The following MACROD2 variants were observed in gnomAD, a reference collection of about 807,000 sequenced individuals.
The protein encoded by MACROD2 is ADP-ribose glycohydrolase MACROD2.
MACROD2 carries 36 observed loss-of-function variants against 70.4 expected under a neutral mutation model. That is an observed-to-expected ratio of 0.51 (90% CI 0.39 to 0.68). The LOEUF (loss-of-function observed/expected upper bound fraction) is 0.68. Among genes scored for constraint, MACROD2 ranks in the 30% least tolerant of loss-of-function variants. The pLI is 0.00. For synonymous variants in MACROD2, 172 were observed against 178.8 expected, an observed-to-expected ratio of 0.96 and a Z score of 0.30; for missense variants, 496 against 538.4, an observed-to-expected ratio of 0.92 and a Z score of 0.78.
chr20:14,456,712 TC>T (rs1275435797), intron 3 of MACROD2, among the ~76,000 whole-genome samples: 1 of 112,050 alleles, frequency 8.9e-6, no homozygotes, highest in African/African-American at 2.9e-5. Context: ...AGACTCAGGA[TC>T]TTTTTTTTTT....
intron 3 of MACROD2, among the ~76,000 whole-genome samples, chr20:14,286,917 A>G (rs1377972784): frequency 6.6e-6 from 1 of 152,168 alleles, no homozygotes; most frequent in Non-Finnish European, 1.5e-5. Flanking sequence ...GCAATTAATA[A>G]CTTTCACTCT....
intron 10 of MACROD2, among the ~76,000 whole-genome samples, chr20:15,909,208 C>T (rs2065195384): frequency 6.6e-6 from 1 of 152,184 alleles, no homozygotes; most frequent in Admixed American, 6.5e-5. Flanking sequence ...GAAGTCTCTC[C>T]ATGTAATCTA....
At chr20:14,677,926 T>C (rs1172060064) in intron 4 of MACROD2, among the ~76,000 whole-genome samples, 1 of 152,130 alleles carries the variant, frequency 6.6e-6, no homozygotes, top group East Asian at 1.9e-4. Context: ...AAAAAAACAG[T>C]GATCCAGTGG....
At chr20:14,689,255 T>G (rs908286800) in intron 5 of MACROD2, among the ~76,000 whole-genome samples, 5 of 152,260 alleles carry the variant, frequency 3.3e-5, no homozygotes, top group African/African-American at 1.2e-4. Flanking sequence ...GTTTTTAAAT[T>G]TGTAATTGCT....
At chr20:14,231,971 A>G (rs2081817934) in intron 3 of MACROD2, among the ~76,000 whole-genome samples, 1 of 152,056 alleles carries the variant, frequency 6.6e-6, no homozygotes, top group Admixed American at 6.5e-5. Context: ...TCCTTCTCCC[A>G]CTTGTTGATG....
At chr20:15,263,906 G>T (rs1396482866) in intron 6 of MACROD2, among the ~76,000 whole-genome samples, 1 of 151,956 alleles carries the variant, frequency 6.6e-6, no homozygotes. Flanking sequence ...TACTGAATTT[G>T]TTTATCAGTT....
chr20:14,208,015 A>G (rs1258446142), intron 3 of MACROD2, among the ~76,000 whole-genome samples: 2 of 152,210 alleles, frequency 1.3e-5, no homozygotes, highest in Non-Finnish European at 2.9e-5. Flanking sequence ...TTGAAGTGAA[A>G]ACAATTTCTC....
intron 3 of MACROD2, among the ~76,000 whole-genome samples, chr20:14,359,520 T>TA (rs1243494442): frequency 2.0e-5 from 3 of 152,204 alleles, no homozygotes; most frequent in Non-Finnish European, 4.4e-5. Flanking sequence ...TGCACTCCCA[T>TA]AGTCATTGTT....
intron 5 of MACROD2, among the ~76,000 whole-genome samples, chr20:14,785,294 T>A (rs1371076353): frequency 6.6e-6 from 1 of 152,060 alleles, no homozygotes; most frequent in Non-Finnish European, 1.5e-5. Context: ...CAAATCACTC[T>A]GTTTACTGGA....
At chr20:15,577,257 A>G (rs1299181285) in intron 8 of MACROD2, among the ~76,000 whole-genome samples, 1 of 152,018 alleles carries the variant, frequency 6.6e-6, no homozygotes, top group Non-Finnish European at 1.5e-5. Context: ...AGTACAGTGC[A>G]GTCAACACAC....
At position 14,662,062 on chromosome 20, in the gene MACROD2, C is replaced by A. The variant is rs572951875; in HGVS notation, c.302-22781C>A. Among the ~76,000 whole-genome samples, 4 of 152,150 alleles carry A rather than the reference C, an allele frequency of 2.6e-5. No individual in the cohort carries two copies. In the South Asian group the frequency reaches 8.3e-4, roughly 31 times the overall value. On this transcript the variant is annotated intron_variant, in intron 4 of 17. Transcript: ENST00000684519. ...AAGTACATTTTAGTTGGATTGGATT[C>A]TGGTTCAGAAAGCTAAAAAGGACAT...
chr20:15,352,202 T>C (rs2078235346), intron 6 of MACROD2, among the ~76,000 whole-genome samples: 2 of 152,132 alleles, frequency 1.3e-5, no homozygotes, highest in South Asian at 4.1e-4. Context: ...CAGTGCAGAA[T>C]TGATCACTTT....
rs528479701 is a variant in MACROD2 at position 15,403,175 on chromosome 20, C to T, written c.541-28230C>T. On this transcript the variant is annotated intron_variant, in intron 6 of 17. Transcript: ENST00000684519. ...TAGAGACGGGGTTTCACTATGTTGG[C>T]CAGGCTGGTCTCAAACTCCTGACCT... 2.1e-3 allele frequency among the ~76,000 whole-genome samples: 319 copies of T among 152,126 alleles called. 2 individuals are homozygous for T. Among genetic ancestry groups the T allele is most frequent in the Middle Eastern group, 6.8e-3 (2 of 294 alleles).
intron 5 of MACROD2, among the ~76,000 whole-genome samples, chr20:14,771,250 C>T (rs1172422773): frequency 6.6e-6 from 1 of 152,026 alleles, no homozygotes; most frequent in African/African-American, 2.4e-5. Context: ...CTTCCTGGGT[C>T]TCTAGTTTGT....
At chr20:15,378,874 C>T (rs578075781) in intron 6 of MACROD2, among the ~76,000 whole-genome samples, 9 of 152,192 alleles carry the variant, frequency 5.9e-5, no homozygotes, top group Middle Eastern at 6.8e-3. Flanking sequence ...TTCAGTGCAA[C>T]GCATGCCAGA....
intron 5 of MACROD2, among the ~76,000 whole-genome samples, chr20:14,765,776 C>T (rs992716678): frequency 8.5e-5 from 13 of 152,076 alleles, no homozygotes; most frequent in Non-Finnish European, 1.9e-4. Flanking sequence ...TCTGAGTCCA[C>T]ATGAAAACAC....
intron 5 of MACROD2, among the ~76,000 whole-genome samples, chr20:15,082,523 GTTTTTTTT>G (rs753606217): frequency 2.0e-5 from 2 of 101,746 alleles, no homozygotes; most frequent in Admixed American, 2.2e-4. Context: ...ACTGCAAGAG[GTTTTTTTT>G]TTTTTTTTTT....
chr20:15,479,570 G>A (rs904881272), intron 7 of MACROD2, among the ~76,000 whole-genome samples: 3 of 152,122 alleles, frequency 2.0e-5, no homozygotes, highest in African/African-American at 7.2e-5. Flanking sequence ...ACCGCGCCCG[G>A]CCTAGATTCT....
At chr20:14,783,978 A>G (rs770240462) in intron 5 of MACROD2, among the ~76,000 whole-genome samples, 6 of 152,122 alleles carry the variant, frequency 3.9e-5, no homozygotes, top group Admixed American at 1.3e-4. Flanking sequence ...TCTTGAAGTC[A>G]GAGAAAGCTC....
Sources: gnomAD v4.1 joint callset for allele counts (sites outside exome capture counted in the v4.1 genomes callset) on GRCh38, gnomAD v4.1.1 for gene constraint, MANE v1.5 for transcripts, NCBI Gene and HGNC (gene_info 2026-07-23, HGNC 2026-07-21) for gene names.